Variants in DLGAP5 observed in about 807,000 individuals in gnomAD.
DLGAP5 encodes DLG associated protein 5, also known as disks large-associated protein 5.
A neutral mutation model predicts 99.6 loss-of-function variants in DLGAP5; 90 were observed. The ratio of observed to expected loss-of-function variants is 0.90; its 90% CI spans 0.76 to 1.08. The LOEUF is 1.08. Ranked by LOEUF, DLGAP5 falls within the 50% of genes least tolerant of loss-of-function variation. DLGAP5 has a pLI of 0.00. For synonymous variants in DLGAP5, 311 were observed against 321.3 expected (o/e 0.97, Z 0.34); for missense variants, 1,036 against 983.5 (o/e 1.05, Z -0.71).
chr14:55,162,631 AG>A (rs139676573), intron 13 of DLGAP5, among the ~76,000 whole-genome samples: 1,321 of 120,098 alleles, frequency 0.011, 16 homozygotes, highest in African/African-American at 0.044. Context: ...AAAAAAAAAA[AG>A]AAGAAGAAGA....
intron 12 of DLGAP5, among the ~76,000 whole-genome samples, chr14:55,165,208 C>T (rs1882596360): frequency 6.6e-6 from 1 of 152,038 alleles, no homozygotes; most frequent in South Asian, 2.1e-4. Context: ...AATATCATTA[C>T]TCATTAGAGA....
At chr14:55,157,933 T>G (rs1346029204) in intron 14 of DLGAP5, among the ~76,000 whole-genome samples, 1 of 152,170 alleles carries the variant, frequency 6.6e-6, no homozygotes, top group Non-Finnish European at 1.5e-5. Context: ...CGGTTAATAT[T>G]TTATTTTTTT....
At chr14:55,162,760 G>A (rs1882493520) in intron 13 of DLGAP5, among the ~76,000 whole-genome samples, 1 of 151,860 alleles carries the variant, frequency 6.6e-6, no homozygotes, top group Non-Finnish European at 1.5e-5. Context: ...ATTTTATGTT[G>A]ATCGATTTCC....
chr14:55,162,015 C>T (rs1882461343), intron 13 of DLGAP5, among the ~76,000 whole-genome samples: 1 of 150,390 alleles, frequency 6.6e-6, no homozygotes, highest in African/African-American at 2.4e-5. Context: ...CCAATCTAGA[C>T]AACCTGAGTT....
intron 12 of DLGAP5, among the ~76,000 whole-genome samples, chr14:55,166,619 C>T (rs1443810410): frequency 6.6e-6 from 1 of 151,790 alleles, no homozygotes; most frequent in Non-Finnish European, 1.5e-5. Flanking sequence ...ATCCCAGCTA[C>T]TTGGGAGACT....
chr14:55,158,460 A>G, intron 14 of DLGAP5, 62 bp downstream of exon 14: 1 of 1,431,558 alleles, frequency 7.0e-7, no homozygotes, highest in Non-Finnish European at 9.6e-7. Context: ...CATCTATCCC[A>G]AATATTTCTC....
intron 3 of DLGAP5, 114 bp from the exon 4 acceptor site, chr14:55,182,546 T>G: frequency 2.6e-6 from 2 of 759,032 alleles, no homozygotes; most frequent in Non-Finnish European, 2.0e-6. Context: ...CCTTAATCTC[T>G]TATAGCAAAA....
At position 55,189,123 on chromosome 14, in the gene DLGAP5, A is replaced by C. The variant is rs769589574; in HGVS notation, c.57T>G (p.Ile19Met). The C allele has an allele frequency of 6.2e-7, 1 of 1,613,960 alleles. No individual in the cohort carries two copies. The highest frequency in any genetic ancestry group is 1.7e-4 in the Middle Eastern group (1 of 6,058). Residue 19 changes from isoleucine to methionine, a missense_variant, in exon 2 of 19, where the codon ATT (isoleucine) becomes ATG (methionine). Coordinates refer to ENST00000247191, the MANE Select transcript of DLGAP5 (RefSeq NM_014750.5). Reference protein sequence around the residue: ...RHRKDISTEMIRTKIAHRKSL... With the variant: ...RHRKDISTEMMRTKIAHRKSL... ...ATTTCCTATGAGCAATTTTAGTTCT[A>C]ATCATTTCAGTACTTATATCCTTCC...
rs762332198 is a variant in DLGAP5, at chr14:55,177,040, A to G, written c.1049+22T>C. 1.5e-5 allele frequency: 15 copies of G among 1,026,200 alleles called. No individual in the cohort carries two copies. In the African/African-American group the frequency reaches 2.5e-4, roughly 17 times the overall value. The allele number at this position is 1,026,200 out of a possible 1,614,324, so 63.6% of individuals were successfully genotyped here. A position where few individuals can be genotyped will look rare whatever the true frequency, so the allele number is the denominator to read the frequency against. Reference sequence around the variant, plus strand: ...TATTACCCATCTTAGCAAGAGACTTATTATTAAGATCATATTCTTACACTT... The same window carrying G: ...TATTACCCATCTTAGCAAGAGACTTGTTATTAAGATCATATTCTTACACTT... On this transcript the variant is annotated intron_variant, in intron 8 of 18. Transcript: ENST00000247191.
intron 7 of DLGAP5, among the ~76,000 whole-genome samples, chr14:55,178,766 G>A (rs965463789): frequency 2.0e-5 from 3 of 152,092 alleles, no homozygotes; most frequent in African/African-American, 7.2e-5. Context: ...AATTATACTG[G>A]CCAGGCGTGG....
At position 55,170,716 on chromosome 14, in the gene DLGAP5, T is replaced by G; in HGVS notation, c.1373A>C (p.Asp458Ala). ...TGTTGCCTCACCATCATCTGGAATGTCCAATTCAAGTTTCCTGTCCCACTC... is the reference window on the plus strand; with the variant it reads ...TGTTGCCTCACCATCATCTGGAATGGCCAATTCAAGTTTCCTGTCCCACTC... Reference protein sequence around the residue: ...CFEWDRKLELDIPDDAKDLIR... With the variant: ...CFEWDRKLELAIPDDAKDLIR... Residue 458 changes from aspartate (D) to alanine (A), a missense_variant, in exon 11 of 19, where the codon GAC (aspartate) becomes GCC (alanine). Asp to Ala is a moderately radical substitution (Grantham distance 126). Transcript: ENST00000247191. 6.2e-7 allele frequency: 1 copy of G among 1,613,308 alleles called. No homozygotes were observed. Among genetic ancestry groups the G allele is most frequent in the Non-Finnish European group, 8.5e-7 (1 of 1,179,434 alleles).
At chr14:55,190,304 A>C (rs1202882587) in intron 1 of DLGAP5, among the ~76,000 whole-genome samples, 1 of 151,914 alleles carries the variant, frequency 6.6e-6, no homozygotes, top group African/African-American at 2.4e-5. Context: ...ACACACACAC[A>C]CACACACACA....
At chr14:55,180,546 G>C (rs1415110112) in intron 6 of DLGAP5, 110 bp downstream of exon 6, 2 of 1,463,850 alleles carry the variant, frequency 1.4e-6, no homozygotes, top group East Asian at 2.3e-5. Flanking sequence ...AGAATTTCCT[G>C]TTTCCTTCTC....
At chr14:55,181,825 G>A (rs987338296) in intron 4 of DLGAP5, among the ~76,000 whole-genome samples, 2 of 151,972 alleles carry the variant, frequency 1.3e-5, no homozygotes, top group African/African-American at 4.8e-5. Flanking sequence ...GGCATATTAT[G>A]TATTTTTTTA....
intron 17 of DLGAP5, among the ~76,000 whole-genome samples, chr14:55,151,120 C>G (rs1050954714): frequency 2.0e-5 from 3 of 152,182 alleles, no homozygotes; most frequent in Admixed American, 6.5e-5. Context: ...CATTAAATGT[C>G]TGGCCGAGGT....
In DLGAP5 at chr14:55,188,625, T is replaced by C. The variant is rs76012384; in HGVS notation, c.238+317A>G. Among the ~76,000 whole-genome samples the C allele has an allele frequency of 5.2e-3, 785 of 151,992 alleles. 21 individuals carry two copies. In the East Asian group the frequency reaches 0.089, roughly 17 times the overall value. ...GTAGTTAGTTGTAGATAACAGGTTA[T>C]TAAGGGGCCAGGCGCGGTGGCTCAC... On this transcript the variant is annotated intron_variant, in intron 2 of 18. Coordinates refer to ENST00000247191, the MANE Select transcript of DLGAP5 (RefSeq NM_014750.5).
intron 17 of DLGAP5, among the ~76,000 whole-genome samples, chr14:55,151,460 G>A (rs1882015741): frequency 6.6e-6 from 1 of 151,990 alleles, no homozygotes; most frequent in South Asian, 2.1e-4. Context: ...GGAGGTGGAG[G>A]TTGCAGTGAG....
chr14:55,150,947 T>C, intron 17 of DLGAP5, 99 bp from the exon 18 acceptor site: 1 of 767,602 alleles, frequency 1.3e-6, no homozygotes. Context: ...GTTCCACATA[T>C]CAAATGCTAA....
intron 13 of DLGAP5, among the ~76,000 whole-genome samples, chr14:55,160,791 G>A (rs1276130257): frequency 1.3e-5 from 2 of 152,144 alleles, no homozygotes; most frequent in African/African-American, 4.8e-5. Context: ...TAAGCAACTA[G>A]TGGATTAATA....
Sources: gnomAD v4.1 joint callset for allele counts (sites outside exome capture counted in the v4.1 genomes callset) on GRCh38, gnomAD v4.1.1 for gene constraint, MANE v1.5 for transcripts, NCBI Gene and HGNC (gene_info 2026-07-23, HGNC 2026-07-21) for gene names.